The following TAOK3 variants were observed in gnomAD, a reference collection of about 807,000 sequenced individuals.
TAOK3 encodes the protein TAO kinase 3, also known as serine/threonine-protein kinase TAO3.
A neutral mutation model predicts 120.4 loss-of-function variants in TAOK3; 40 were observed. The ratio of observed to expected loss-of-function variants is 0.33; its 90% CI spans 0.26 to 0.43. TAOK3 has a LOEUF of 0.43. Among genes scored for constraint, TAOK3 ranks in the 20% least tolerant of loss-of-function variants. The pLI is 1.00. For missense variants in TAOK3, 821 were observed against 1,112.1 expected (o/e 0.74, Z 3.72); for synonymous variants, 355 against 387.5 (o/e 0.92, Z 0.99).
intron 4 of TAOK3, among the ~76,000 whole-genome samples, chr12:118,244,524 T>C (rs1470364961): frequency 1.1e-4 from 11 of 104,564 alleles, no homozygotes; most frequent in Admixed American, 1.1e-4. Flanking sequence ...TAATTTCTTT[T>C]TTCTTTTTCT....
rs2034499552 is a variant in TAOK3, at chr12:118,152,211, G to C, written c.2535+16C>G. The C allele has an allele frequency of 6.2e-7, 1 of 1,604,610 alleles. No individual in the cohort carries two copies. Among genetic ancestry groups the C allele is most frequent in the African/African-American group, 1.3e-5 (1 of 74,766 alleles). On this transcript the variant is annotated intron_variant, in intron 20 of 20. Coordinates refer to ENST00000392533, the MANE Select transcript of TAOK3 (RefSeq NM_016281.4). Reference sequence around the variant, plus strand: ...TTCCACCCAGTGGCACCGGACCCCTGGTAATGCTCCCTTACCTTCTGCTCA... The same window carrying C: ...TTCCACCCAGTGGCACCGGACCCCTCGTAATGCTCCCTTACCTTCTGCTCA...
chr12:118,207,858 T>TCACACACACACACACACA (rs55978716), intron 11 of TAOK3, among the ~76,000 whole-genome samples: 2,745 of 144,380 alleles, frequency 0.019, 38 homozygotes, highest in Non-Finnish European at 0.021. Context: ...AGACTCTGTC[T>TCACACACACACACACACA]CACACACACA....
At position 118,265,851 on chromosome 12, in the gene TAOK3, T is replaced by C. The variant is rs939641642; in HGVS notation, c.-89+804A>G. On this transcript the variant is annotated intron_variant, in intron 2 of 20. Coordinates refer to ENST00000392533, the MANE Select transcript of TAOK3 (RefSeq NM_016281.4). ...CTTTGATCTGTAAGTTTGGGTTTCTTTGTAGCTTGTGTTTTATCTGAAGTT... is the reference window on the plus strand; with the variant it reads ...CTTTGATCTGTAAGTTTGGGTTTCTCTGTAGCTTGTGTTTTATCTGAAGTT... 5.9e-5 allele frequency among the ~76,000 whole-genome samples: 9 copies of C among 152,338 alleles called. No homozygotes were observed. The East Asian group carries it at 1.5e-3, about 26-fold the overall frequency.
chr12:118,210,936 GC>G lies in TAOK3; in HGVS notation c.819+1977del, dbSNP rs1239002695. 7.9e-5 allele frequency among the ~76,000 whole-genome samples: 12 copies of G among 151,828 alleles called. No individual in the cohort carries two copies. In the East Asian group the frequency reaches 2.3e-3, roughly 29 times the overall value. ...GTATTTTTAGTAGAGACGGGGTTTC[GC>G]CATGTTGGCCAGGCTGGTCTCGAAC... On this transcript the variant is annotated intron_variant, in intron 11 of 20. Transcript: ENST00000392533.
intron 1 of TAOK3, among the ~76,000 whole-genome samples, chr12:118,284,427 T>C (rs1375808841): frequency 2.6e-5 from 4 of 152,116 alleles, no homozygotes; most frequent in African/African-American, 7.2e-5. Context: ...GAGTCAGCAG[T>C]TGATTGGCTA....
chr12:118,163,322 G>A (rs1324950242), intron 17 of TAOK3, among the ~76,000 whole-genome samples: 1 of 151,960 alleles, frequency 6.6e-6, no homozygotes, highest in Non-Finnish European at 1.5e-5. Context: ...ACTGCTATTC[G>A]ATTTTATAAG....
intron 14 of TAOK3, among the ~76,000 whole-genome samples, chr12:118,182,716 GGTGA>G (rs2138925562): frequency 6.7e-6 from 1 of 149,270 alleles, no homozygotes; most frequent in East Asian, 2.0e-4. Flanking sequence ...AATATGAAGA[GGTGA>G]GTATGAGATC....
At position 118,207,999 on chromosome 12, in the gene TAOK3, A is replaced by C. The variant is rs192258040; in HGVS notation, c.819+4915T>G. Among the ~76,000 whole-genome samples, 512 of 152,286 alleles carry C rather than the reference A, an allele frequency of 3.4e-3. 1 individual carries two copies. The highest frequency in any genetic ancestry group is 5.5e-3 in the Non-Finnish European group (371 of 68,014). On this transcript the variant is annotated intron_variant, in intron 11 of 20. Coordinates refer to ENST00000392533, the MANE Select transcript of TAOK3 (RefSeq NM_016281.4). ...CTAAAGTTAAAAAAAAAATTATTAA[A>C]GGCTTTACGAGATTGAAGTTACTTT...
At chr12:118,265,718 G>A (rs1389167355) in intron 2 of TAOK3, among the ~76,000 whole-genome samples, 2 of 152,072 alleles carry the variant, frequency 1.3e-5, no homozygotes, top group Admixed American at 1.3e-4. Flanking sequence ...ACACTTTTGG[G>A]AATTCACACA....
chr12:118,266,455 G>C (rs2041454784), intron 2 of TAOK3, among the ~76,000 whole-genome samples, 200 bp downstream of exon 2: 1 of 151,832 alleles, frequency 6.6e-6, no homozygotes, highest in Non-Finnish European at 1.5e-5. Flanking sequence ...ACCTGCCTCA[G>C]CCTCCCAAAG....
At chr12:118,291,323 A>AT (rs574756840) in intron 1 of TAOK3, among the ~76,000 whole-genome samples, 12 of 145,512 alleles carry the variant, frequency 8.2e-5, no homozygotes, top group East Asian at 8.2e-4. Flanking sequence ...TGCCCAGCTA[A>AT]TTTTTTTTTG....
intron 1 of TAOK3, among the ~76,000 whole-genome samples, chr12:118,320,810 A>G (rs1295175590): frequency 6.6e-6 from 1 of 152,208 alleles, no homozygotes; most frequent in Non-Finnish European, 1.5e-5. Context: ...AATAATTGAA[A>G]ATGAATCACA....
intron 1 of TAOK3, among the ~76,000 whole-genome samples, chr12:118,290,044 T>C (rs1173536492): frequency 6.6e-6 from 1 of 151,950 alleles, no homozygotes; most frequent in East Asian, 1.9e-4. Context: ...AGTCCTTATA[T>C]ACCATCTGAT....
At chr12:118,252,723 CTTT>C (rs781342587) in intron 3 of TAOK3, among the ~76,000 whole-genome samples, 4 of 139,902 alleles carry the variant, frequency 2.9e-5, no homozygotes, top group African/African-American at 2.6e-5. Context: ...TTTTTCTTTT[CTTT>C]TTTTTTTTTT....
chr12:118,260,223 G>A (rs1402519073), intron 2 of TAOK3, among the ~76,000 whole-genome samples: 2 of 152,132 alleles, frequency 1.3e-5, no homozygotes, highest in Non-Finnish European at 2.9e-5. Flanking sequence ...CAACCTCCGG[G>A]ACTCAAGTGA....
At chr12:118,235,397 T>G (rs2039979724) in intron 8 of TAOK3, among the ~76,000 whole-genome samples, 161 bp downstream of exon 8, 1 of 152,122 alleles carries the variant, frequency 6.6e-6, no homozygotes, top group Non-Finnish European at 1.5e-5. Flanking sequence ...AAAGCCAGAG[T>G]GTTTCTTTTT....
chr12:118,258,628 C>T (rs1387373686), intron 2 of TAOK3, among the ~76,000 whole-genome samples: 5 of 151,614 alleles, frequency 3.3e-5, no homozygotes, highest in African/African-American at 7.3e-5. Context: ...AGGAGAATTG[C>T]TTGAATCTGG....
chr12:118,249,577 A>T (rs1250987487), intron 3 of TAOK3, among the ~76,000 whole-genome samples: 1 of 151,798 alleles, frequency 6.6e-6, no homozygotes, highest in Non-Finnish European at 1.5e-5. Flanking sequence ...AAAAAAAAAA[A>T]AATAGGAGGC....
intron 9 of TAOK3, among the ~76,000 whole-genome samples, chr12:118,216,477 T>G (rs1465210371): frequency 6.6e-6 from 1 of 152,222 alleles, no homozygotes; most frequent in African/African-American, 2.4e-5. Flanking sequence ...TCTTATAACC[T>G]GAATATTCTT....
Sources: gnomAD v4.1 joint callset for allele counts (sites outside exome capture counted in the v4.1 genomes callset) on GRCh38, gnomAD v4.1.1 for gene constraint, MANE v1.5 for transcripts, NCBI Gene and HGNC (gene_info 2026-07-23, HGNC 2026-07-21) for gene names.